The following SURF4 variants were observed in gnomAD, a reference collection of about 807,000 sequenced individuals.
The protein encoded by SURF4 is surfeit locus protein 4.
SURF4 carries 3 observed loss-of-function variants against 30.0 expected under a neutral mutation model. The ratio of observed to expected loss-of-function variants is 0.10; its 90% confidence interval spans 0.05 to 0.26. The LOEUF is 0.26. SURF4 is among the 10% of genes least tolerant of loss of function. The probability of loss-of-function intolerance (pLI) is 1.00; values close to 1 mark genes in which losing one functional copy is unlikely to be tolerated. For synonymous variants in SURF4, 143 were observed against 139.9 expected (o/e 1.02, Z -0.16); for missense variants, 217 against 350.8 (o/e 0.62, Z 3.05).
intron 3 of SURF4, 97 bp downstream of exon 3, chr9:133,366,502 G>A: frequency 1.0e-5 from 14 of 1,353,268 alleles, no homozygotes; most frequent in Non-Finnish European, 1.5e-5. Context: ...GCAGGGGGCT[G>A]AAGGGGGAGT....
At chr9:133,365,054 C>G (rs1837085325) in intron 4 of SURF4, 28 bp from the exon 5 acceptor site, 1 of 1,494,980 alleles carries the variant, frequency 6.7e-7, no homozygotes, top group Admixed American at 2.2e-5. Flanking sequence ...GGGCTGGAAG[C>G]TAAGCCTCAC....
At chr9:133,375,404 G>A (rs1173813472) in intron 1 of SURF4, 4 of 985,612 alleles carry the variant, frequency 4.1e-6, no homozygotes, top group Non-Finnish European at 4.8e-6. Flanking sequence ...AAAGAGAAAA[G>A]GAAAAGGTGC....
intron 1 of SURF4, chr9:133,371,049 C>T (rs951447239): frequency 1.6e-6 from 2 of 1,258,814 alleles, no homozygotes; most frequent in Non-Finnish European, 2.1e-6. Flanking sequence ...TAATTATATC[C>T]ACCCTGAGAT....
chr9:133,365,568 G>C (rs1484696761), intron 4 of SURF4, among the ~76,000 whole-genome samples: 2 of 152,102 alleles, frequency 1.3e-5, no homozygotes, highest in Non-Finnish European at 2.9e-5. Flanking sequence ...TAGGTGATGA[G>C]CTAAAAAATA....
Position 133,376,060 on chromosome 9 carries a change from T to A in SURF4, c.-91A>T, listed in dbSNP as rs587655814. On this transcript the variant is annotated 5_prime_UTR_variant, in exon 1 of 6. Coordinates refer to ENST00000371989, the MANE Select transcript of SURF4 (RefSeq NM_033161.4). ...CACCCGCTGCGGCCTCCACAGGAAG[T>A]GCCCGGCGGCCGGCCTCGCTCCGCG... 1.7e-6 allele frequency: 2 copies of A among 1,204,542 alleles called. No individual in the cohort carries two copies. Among genetic ancestry groups the A allele is most frequent in the African/African-American group, 3.2e-5 (2 of 63,138 alleles). The allele number at this position is 1,204,542 out of a possible 1,614,324, so 74.6% of individuals were successfully genotyped here.
At position 133,363,047 on chromosome 9, in the gene SURF4, G is replaced by A; in HGVS notation, c.*446C>T. On this transcript the variant is annotated 3_prime_UTR_variant, in exon 6 of 6. Coordinates refer to ENST00000371989, the MANE Select transcript of SURF4 (RefSeq NM_033161.4). The surrounding 1 kb of genome is among the most constrained non-coding windows in gnomAD (Gnocchi z 4.3). ...GGGAGATTAACTGTTTTGAGGTTTG[G>A]CTGAACCACCCAAAATAATTTAGTA... 1 of 295,522 alleles carries A rather than the reference G, an allele frequency of 3.4e-6. No individual in the cohort carries two copies. The highest frequency in any genetic ancestry group is 6.5e-6 in the Non-Finnish European group (1 of 154,060). The allele number at this position is 295,522 out of a possible 1,614,324, so 18.3% of individuals were successfully genotyped here.
chr9:133,372,659 G>C (rs1238946339), intron 1 of SURF4: 10 of 985,156 alleles, frequency 1.0e-5, no homozygotes, highest in Non-Finnish European at 7.2e-6. Flanking sequence ...GTTTTCTGAA[G>C]ATGTGAAAAA....
rs1836919919 is a variant in SURF4, at chr9:133,363,068, T to C, written c.*425A>G. ...TTTGGCTGAACCACCCAAAATAATT[T>C]AGTAGTTTCCGCTAAAAATGTAAAC... On this transcript the variant is annotated 3_prime_UTR_variant, in exon 6 of 6. Coordinates refer to ENST00000371989, the MANE Select transcript of SURF4 (RefSeq NM_033161.4). This position sits in a 1 kb window ranked among gnomAD's most constrained non-coding sequence, Gnocchi z 4.3. 2 of 323,400 alleles carry C rather than the reference T, an allele frequency of 6.2e-6. No individual in the cohort carries two copies. The highest frequency in any genetic ancestry group is 2.1e-5 in the African/African-American group (1 of 46,718). 20.0% of individuals were successfully genotyped at this position (323,400 alleles called of 1,614,324 possible).
chr9:133,376,671 C>A, upstream of SURF4: 1 of 924,406 alleles, frequency 1.1e-6, no homozygotes, highest in Admixed American at 3.3e-5. Context: ...GCGCCCTGGC[C>A]AGTGTCGGCC....
intron 1 of SURF4, among the ~76,000 whole-genome samples, chr9:133,371,625 A>C (rs1837513359): frequency 6.6e-6 from 1 of 152,230 alleles, no homozygotes; most frequent in African/African-American, 2.4e-5. Context: ...CCTCCCGTTA[A>C]GATCATCACA....
rs1181719506 is a variant in SURF4 at position 133,376,049 on chromosome 9, T to A, written c.-80A>T. On this transcript the variant is annotated 5_prime_UTR_variant, in exon 1 of 6. Transcript: ENST00000371989. Reference sequence around the variant, plus strand: ...GTCGGCGCCCGCACCCGCTGCGGCCTCCACAGGAAGTGCCCGGCGGCCGGC... The same window carrying A: ...GTCGGCGCCCGCACCCGCTGCGGCCACCACAGGAAGTGCCCGGCGGCCGGC... 2.5e-6 allele frequency: 3 copies of A among 1,203,706 alleles called. No homozygotes were observed. Among genetic ancestry groups the A allele is most frequent in the Non-Finnish European group, 3.1e-6 (3 of 969,300 alleles). 74.6% of individuals were successfully genotyped at this position (1,203,706 alleles called of 1,614,324 possible).
intron 3 of SURF4, 103 bp downstream of exon 3, chr9:133,366,496 G>A: frequency 7.8e-7 from 1 of 1,283,348 alleles, no homozygotes. Flanking sequence ...AGACATGCAG[G>A]GGGCTGAAGG....
intron 1 of SURF4, among the ~76,000 whole-genome samples, chr9:133,369,649 A>T (rs1837384284): frequency 6.6e-6 from 1 of 152,008 alleles, no homozygotes. Flanking sequence ...GACGCCACAC[A>T]CCCTCCCCAG....
In SURF4 at chr9:133,363,220, C is replaced by T. The variant is rs2130082888; in HGVS notation, c.*273G>A. On this transcript the variant is annotated 3_prime_UTR_variant, in exon 6 of 6. Transcript: ENST00000371989. The surrounding 1 kb of genome is among the most constrained non-coding windows in gnomAD (Gnocchi z 4.3). ...ATAGGACTGAGATGCCACAGCCAAG[C>T]GGGCTGTTCACTCCAAAGCCTCGGC... is the stretch of plus-strand genomic sequence containing the variant. 2.7e-5 allele frequency: 17 copies of T among 626,884 alleles called. No individual in the cohort carries two copies. The highest frequency in any genetic ancestry group is 8.5e-5 in the Admixed American group (3 of 35,366). The allele number at this position is 626,884 out of a possible 1,614,324, so 38.8% of individuals were successfully genotyped here. A position where few individuals can be genotyped will look rare whatever the true frequency, so the allele number is the denominator to read the frequency against.
At chr9:133,375,378 G>C in intron 1 of SURF4, 1 of 985,740 alleles carries the variant, frequency 1.0e-6, no homozygotes, top group Non-Finnish European at 1.2e-6. Context: ...GACCCCAAGA[G>C]TCCAGCACAT....
At position 133,365,008 on chromosome 9, in the gene SURF4, T is replaced by A; in HGVS notation, c.375A>T (p.Gly125=). 1 of 1,578,320 alleles carries A rather than the reference T, an allele frequency of 6.3e-7. No homozygotes were observed. The highest frequency in any genetic ancestry group is 8.6e-7 in the Non-Finnish European group (1 of 1,159,854). The change falls in exon 5 of 6, where the codon GGA becomes GGT. Residue 125 remains glycine, a synonymous_variant. Coordinates refer to ENST00000371989, the MANE Select transcript of SURF4 (RefSeq NM_033161.4). ...ATTCTGCTAGGAGCAGCAACAGGCC[T>A]CCTCCCAGGGCCAGGTTCCTGAGGA... ...KFLMRNLALG[G]GLLLLLAESR...
chr9:133,366,737 G>A, intron 2 of SURF4, 62 bp from the exon 3 acceptor site: 1 of 1,484,926 alleles, frequency 6.7e-7, no homozygotes, highest in Non-Finnish European at 9.3e-7. Context: ...GCACTGTCTT[G>A]ATACACTGCT....
intron 1 of SURF4, among the ~76,000 whole-genome samples, chr9:133,374,906 T>C (rs1837777826): frequency 6.6e-6 from 1 of 151,938 alleles, no homozygotes; most frequent in South Asian, 2.1e-4. Flanking sequence ...AATTTAACCA[T>C]CACTACTTAA....
chr9:133,370,311 A>T (rs2130178672), intron 1 of SURF4, among the ~76,000 whole-genome samples: 1 of 152,334 alleles, frequency 6.6e-6, no homozygotes, highest in South Asian at 2.1e-4. Context: ...CGAAACAGAC[A>T]CAGCTCTTGG....
Sources: allele counts gnomAD v4.1 joint callset (sites outside exome capture counted in the v4.1 genomes callset), GRCh38; gene constraint gnomAD v4.1.1; non-coding constraint Gnocchi (gnomAD v3.1); transcripts MANE v1.5; gene names NCBI Gene and HGNC (gene_info 2026-07-23, HGNC 2026-07-21).